CTBP1: variants seen among roughly 807,000 people sequenced by gnomAD.
CTBP1 encodes the protein C-terminal binding protein 1, also known as C-terminal-binding protein 1.
Under a neutral mutation model 42.1 loss-of-function variants are expected in CTBP1, and 11 were observed. That is an observed-to-expected ratio of 0.26 (90% CI 0.16 to 0.43). The LOEUF (loss-of-function observed/expected upper bound fraction) is 0.43, where lower values mean the gene tolerates loss of function less well. Among genes scored for constraint, CTBP1 ranks in the 20% least tolerant of loss-of-function variants. The probability of loss-of-function intolerance (pLI) is 1.00; values close to 1 mark genes in which losing one functional copy is unlikely to be tolerated. For synonymous variants in CTBP1, 324 were observed against 277.1 expected, an observed-to-expected ratio of 1.17 and a Z score of -1.68; for missense variants, 399 against 624.3, an observed-to-expected ratio of 0.64 and a Z score of 3.85.
Position 1,213,044 on chromosome 4 carries a change from G to A in CTBP1, c.989-14C>T, listed in dbSNP as rs547246494. The A allele has an allele frequency of 1.9e-6, 3 of 1,612,220 alleles. No homozygotes were observed. The highest frequency in any genetic ancestry group is 2.2e-5 in the East Asian group (1 of 44,878). On this transcript the variant is annotated splice_polypyrimidine_tract_variant and intron_variant, in intron 8 of 9. Coordinates refer to ENST00000382952, the MANE Select transcript of CTBP1 (RefSeq NM_001012614.2). ...CTGGGATCCGGCCTGGGAGATGCAG[G>A]AGGAAGGAACAGCTGTGGCTCTGAG...
In CTBP1 at chr4:1,229,961, G is replaced by C. The variant is rs1033791177; in HGVS notation, c.163-1618C>G. On this transcript the variant is annotated intron_variant, in intron 3 of 9. Transcript: ENST00000382952. ...GCCTGGGCATTCTCCAGGAAGAAGG[G>C]AAGGTTGGAGCACCTCGGCTGCAGG... Among the ~76,000 whole-genome samples the C allele has an allele frequency of 9.8e-5, 15 of 152,304 alleles. 1 individual carries two copies. The Middle Eastern group carries it at 0.01, about 104-fold the overall frequency.
Position 1,238,029 on chromosome 4 carries a change from G to A in CTBP1, c.162+154C>T, listed in dbSNP as rs1267296921. ...TGATGGTGTCCAGGGAAAACCCCGT[G>A]TCCACCTCCTGACGGCGCGGGACGA... On this transcript the variant is annotated intron_variant, in intron 3 of 9. Transcript: ENST00000382952. The surrounding 1 kb of genome is among the most constrained non-coding windows in gnomAD (Gnocchi z 5.9). The A allele has an allele frequency of 5.1e-5, 51 of 999,982 alleles. No individual in the cohort carries two copies. The highest frequency in any genetic ancestry group is 7.8e-5 in the Non-Finnish European group (50 of 639,770). The allele number at this position is 999,982 out of a possible 1,614,324, so 61.9% of individuals were successfully genotyped here.
chr4:1,228,142 C>T, intron 4 of CTBP1, 57 bp downstream of exon 4: 1 of 1,595,898 alleles, frequency 6.3e-7, no homozygotes, highest in South Asian at 1.1e-5. Context: ...ATGGACGAAG[C>T]AAGACGGGAC....
At chr4:1,229,009 T>A (rs1043770369) in intron 3 of CTBP1, among the ~76,000 whole-genome samples, 2 of 152,188 alleles carry the variant, frequency 1.3e-5, no homozygotes, top group African/African-American at 4.8e-5. Context: ...AATTTCAGTG[T>A]CCATGACAAC....
intron 1 of CTBP1, chr4:1,245,108 A>G: frequency 5.1e-6 from 5 of 984,342 alleles, no homozygotes; most frequent in Non-Finnish European, 6.0e-6. Context: ...TCCTCCGACG[A>G]CAGCACCCCA....
intron 3 of CTBP1, among the ~76,000 whole-genome samples, chr4:1,230,936 C>T (rs970658598): frequency 2.6e-5 from 4 of 152,270 alleles, no homozygotes; most frequent in African/African-American, 7.2e-5. Flanking sequence ...GCTGCCTCCC[C>T]GACGAGGCTT....
chr4:1,236,442 T>C (rs1450925800), intron 3 of CTBP1: 8 of 574,680 alleles, frequency 1.4e-5, no homozygotes, highest in Non-Finnish European at 2.5e-5. Context: ...GGGAAGCACC[T>C]TACTCCACCC....
At chr4:1,223,336 G>A (rs1211716254) in intron 5 of CTBP1, 1 of 418,002 alleles carries the variant, frequency 2.4e-6, no homozygotes, top group Non-Finnish European at 4.9e-6. Flanking sequence ...TCCTGGTGGG[G>A]GCACCAGCAA....
chr4:1,239,114 T>C (rs1452126970), intron 2 of CTBP1, among the ~76,000 whole-genome samples: 1 of 152,210 alleles, frequency 6.6e-6, no homozygotes, highest in Admixed American at 6.5e-5. Context: ...CCCCTGACCT[T>C]CCCAGAACCA....
At chr4:1,236,351 G>A in intron 3 of CTBP1, 1 of 450,350 alleles carries the variant, frequency 2.2e-6, no homozygotes, top group Admixed American at 3.6e-5. Context: ...CTGCCCAAAG[G>A]CTGCTCACTG....
intron 5 of CTBP1, among the ~76,000 whole-genome samples, chr4:1,219,059 C>A (rs1178534400): frequency 6.6e-6 from 1 of 152,102 alleles, no homozygotes; most frequent in Non-Finnish European, 1.5e-5. Context: ...AAGTCAGGCG[C>A]CGTGGCTCAC....
chr4:1,214,607 C>T (rs539699769), intron 6 of CTBP1, 134 bp from the exon 7 acceptor site: 1 of 1,183,766 alleles, frequency 8.4e-7, no homozygotes, highest in South Asian at 1.8e-5. Context: ...CCTGGGCTCA[C>T]CACGGCGCTA....
At chr4:1,227,125 C>G (rs1262875401) in intron 4 of CTBP1, among the ~76,000 whole-genome samples, 2 of 152,106 alleles carry the variant, frequency 1.3e-5, no homozygotes, top group African/African-American at 4.8e-5. Context: ...TAATGAGTGT[C>G]TGTACATGGA....
At chr4:1,245,995 C>T (rs1020561240) in intron 1 of CTBP1, among the ~76,000 whole-genome samples, 2 of 152,164 alleles carry the variant, frequency 1.3e-5, no homozygotes, top group African/African-American at 4.8e-5. Flanking sequence ...ACGTTTGGCT[C>T]GGCAAAGAGC....
chr4:1,213,575 G>A lies in CTBP1; in HGVS notation c.891C>T (p.Pro297=). Residue 297 remains proline, a synonymous_variant, in exon 8 of 10, where the codon CCC becomes CCT. Coordinates refer to ENST00000382952, the MANE Select transcript of CTBP1 (RefSeq NM_001012614.2). ...CAGCATGGGGGGTGCAGATGAGGTT[G>A]GGTGCATCCTTCAGAGGGCCCTGGC... ...SFSQGPLKDA[P]NLICTPHAAW... The A allele has an allele frequency of 6.2e-7, 1 of 1,613,302 alleles. No homozygotes were observed. The highest frequency in any genetic ancestry group is 8.5e-7 in the Non-Finnish European group (1 of 1,179,926).
chr4:1,249,420 G>C (rs1733119955), upstream of CTBP1: 1 of 152,696 alleles, frequency 6.5e-6, no homozygotes, highest in Admixed American at 6.6e-5. Context: ...GACCCTGCGG[G>C]CCCGGAAGCC....
At chr4:1,214,147 G>T in intron 7 of CTBP1, 196 bp downstream of exon 7, 1 of 665,642 alleles carries the variant, frequency 1.5e-6, no homozygotes, top group Non-Finnish European at 2.3e-6. Context: ...GCCCCTCACA[G>T]GACCGAGGCA....
chr4:1,243,645 C>A, intron 1 of CTBP1: 1 of 985,462 alleles, frequency 1.0e-6, no homozygotes, highest in Non-Finnish European at 1.2e-6. Flanking sequence ...GAGCCCTCAC[C>A]TAGGGCAATG....
Position 1,249,025 on chromosome 4 carries a change from G to A in CTBP1, c.-298C>T, listed in dbSNP as rs1226484824. On this transcript the variant is annotated 5_prime_UTR_variant, in exon 1 of 10. Coordinates refer to ENST00000382952, the MANE Select transcript of CTBP1 (RefSeq NM_001012614.2). ...GCGCCGCCGCGAGCCCGGCGCGTGGGGCGGCCTCGGCGCCGTCCGCTGCTC... is the reference window on the plus strand; with the variant it reads ...GCGCCGCCGCGAGCCCGGCGCGTGGAGCGGCCTCGGCGCCGTCCGCTGCTC... 4.0e-6 allele frequency: 3 copies of A among 742,582 alleles called. No individual in the cohort carries two copies. Among genetic ancestry groups the A allele is most frequent in the Non-Finnish European group, 4.9e-6 (3 of 611,308 alleles). 46.0% of individuals were successfully genotyped at this position (742,582 alleles called of 1,614,324 possible). A position where few individuals can be genotyped will look rare whatever the true frequency, so the allele number is the denominator to read the frequency against.
Sources: allele counts gnomAD v4.1 joint callset (sites outside exome capture counted in the v4.1 genomes callset), GRCh38; gene constraint gnomAD v4.1.1; non-coding constraint Gnocchi (gnomAD v3.1); transcripts MANE v1.5; gene names NCBI Gene and HGNC (gene_info 2026-07-23, HGNC 2026-07-21).